The following RARB variants were observed in gnomAD, a reference collection of about 807,000 sequenced individuals.
RARB encodes retinoic acid receptor beta, also known as HBV-activated protein.
In RARB, 17 loss-of-function variants were observed where a neutral mutation model predicts 51.9. The observed-to-expected ratio is 0.33, with a 90% confidence interval of 0.22 to 0.49. The LOEUF (loss-of-function observed/expected upper bound fraction) is 0.49. Among genes scored for constraint, RARB ranks in the 20% least tolerant of loss-of-function variants. The pLI is 0.99. For missense variants in RARB, 369 were observed against 550.8 expected, an observed-to-expected ratio of 0.67 and a Z score of 3.30; for synonymous variants, 215 against 195.4, an observed-to-expected ratio of 1.10 and a Z score of -0.84.
intron 3 of RARB, among the ~76,000 whole-genome samples, chr3:25,084,750 A>G (rs879074505): frequency 6.6e-6 from 1 of 151,062 alleles, no homozygotes; most frequent in Non-Finnish European, 1.5e-5. Flanking sequence ...GGTTTTTTTT[A>G]ATGTTTGTTT....
intron 5 of RARB, among the ~76,000 whole-genome samples, chr3:25,416,269 G>A (rs1707700559): frequency 1.3e-5 from 2 of 152,288 alleles, no homozygotes; most frequent in Admixed American, 1.3e-4. Context: ...CATGCCTGTA[G>A]TCCCAGCTAC....
At chr3:24,984,682 T>TG (rs1347593223) in intron 2 of RARB, among the ~76,000 whole-genome samples, 2 of 152,266 alleles carry the variant, frequency 1.3e-5, no homozygotes, top group East Asian at 3.9e-4. Flanking sequence ...ATGTACAGTG[T>TG]GGTGACTATA....
At chr3:25,085,424 C>T (rs1469022329) in intron 3 of RARB, among the ~76,000 whole-genome samples, 1 of 152,072 alleles carries the variant, frequency 6.6e-6, no homozygotes, top group Non-Finnish European at 1.5e-5. Context: ...TTTCCAGATT[C>T]TAGTAAGAAG....
At chr3:25,137,397 G>T (rs979911254) in intron 4 of RARB, among the ~76,000 whole-genome samples, 1 of 151,918 alleles carries the variant, frequency 6.6e-6, no homozygotes, top group Non-Finnish European at 1.5e-5. Flanking sequence ...CTTTAAAAAA[G>T]CTTGGTAATG....
chr3:25,310,291 T>G (rs542762844), intron 5 of RARB, among the ~76,000 whole-genome samples: 6 of 152,326 alleles, frequency 3.9e-5, no homozygotes, highest in African/African-American at 1.4e-4. Flanking sequence ...TAGTCCTGAA[T>G]TTTTTAAGTG....
At chr3:25,259,557 A>T (rs539780086) in intron 5 of RARB, among the ~76,000 whole-genome samples, 2 of 152,262 alleles carry the variant, frequency 1.3e-5, no homozygotes, top group Admixed American at 1.3e-4. Context: ...ACAGCAGAGC[A>T]TTGCAGTTCT....
chr3:25,568,534 C>CT (rs1700584019), intron 3 of RARB, among the ~76,000 whole-genome samples: 1 of 152,068 alleles, frequency 6.6e-6, no homozygotes, highest in Admixed American at 6.5e-5. Flanking sequence ...ACCCCTTGCT[C>CT]TTTCCTTTCA....
intron 1 of RARB, among the ~76,000 whole-genome samples, chr3:24,835,205 A>G (rs1702329050): frequency 6.6e-6 from 1 of 152,234 alleles, no homozygotes; most frequent in Non-Finnish European, 1.5e-5. Context: ...TATATCAAGA[A>G]GTTTAAACTC....
chr3:25,384,525 G>T (rs886702522), intron 5 of RARB, among the ~76,000 whole-genome samples: 16 of 152,296 alleles, frequency 1.1e-4, no homozygotes, highest in Non-Finnish European at 2.1e-4. Context: ...GGGGACAGGA[G>T]GGGAGGGACC....
At chr3:25,367,652 TAAAAAAA>T (rs34629828) in intron 5 of RARB, among the ~76,000 whole-genome samples, 1 of 139,282 alleles carries the variant, frequency 7.2e-6, no homozygotes, top group Non-Finnish European at 1.5e-5. Context: ...CCCATCTCTA[TAAAAAAA>T]AAAAAAAAAT....
At chr3:25,159,415 C>CCCG (rs768243630) in intron 4 of RARB, among the ~76,000 whole-genome samples, 22 of 150,802 alleles carry the variant, frequency 1.5e-4, no homozygotes, top group Non-Finnish European at 3.0e-4. Context: ...ATGATCCACC[C>CCCG]CCCCCGCTCC....
chr3:25,037,821 T>G (rs942047959), intron 2 of RARB, among the ~76,000 whole-genome samples: 12 of 152,140 alleles, frequency 7.9e-5, no homozygotes, highest in Admixed American at 3.9e-4. Context: ...CAAGGTGTCC[T>G]TTGTGTTGGG....
intron 5 of RARB, among the ~76,000 whole-genome samples, chr3:25,201,390 A>T (rs1401663633): frequency 1.3e-5 from 2 of 152,140 alleles, no homozygotes; most frequent in Non-Finnish European, 2.9e-5. Context: ...GGACAATTTG[A>T]CTTTCCCTTT....
Position 24,833,736 on chromosome 3 carries a change from A to G in RARB, c.-459+4333A>G, listed in dbSNP as rs375235502. ...ATTCCTTTGCCTCAATTATTTCTTA[A>G]TTCATCATGTACATTGTGTCCAAGG... On this transcript the variant is annotated intron_variant, in intron 1 of 11. Transcript: ENST00000383772. 2.6e-5 allele frequency among the ~76,000 whole-genome samples: 4 copies of G among 152,194 alleles called. No individual in the cohort carries two copies. In the East Asian group the frequency reaches 5.8e-4, roughly 22 times the overall value.
At chr3:24,893,665 G>A (rs1234060988) in intron 2 of RARB, among the ~76,000 whole-genome samples, 18 of 151,182 alleles carry the variant, frequency 1.2e-4, no homozygotes, top group Admixed American at 1.2e-3. Flanking sequence ...GTACAGATGT[G>A]CAACAGCATG....
chr3:25,216,777 TA>T (rs952567343), intron 5 of RARB, among the ~76,000 whole-genome samples: 4 of 151,278 alleles, frequency 2.6e-5, no homozygotes, highest in Non-Finnish European at 5.9e-5. Context: ...TTGTTTCTTC[TA>T]AAAAATATAT....
rs574041610 is a variant in RARB, at chr3:25,039,671, C to G, written c.-379-20454C>G. On this transcript the variant is annotated intron_variant, in intron 2 of 11. Coordinates refer to the RARB transcript ENST00000383772. The stretch of plus-strand genomic sequence containing the variant: ...AAGTTGAGATCTAAAGGACAAGAAG[C>G]TTTTTTCTTTGCCTCTTTTATTGTA... 2.0e-5 allele frequency among the ~76,000 whole-genome samples: 3 copies of G among 152,192 alleles called. No homozygotes were observed. The South Asian group carries it at 6.2e-4, about 32-fold the overall frequency.
intron 5 of RARB, among the ~76,000 whole-genome samples, chr3:25,271,783 C>A (rs1299143104): frequency 1.3e-5 from 2 of 152,184 alleles, no homozygotes; most frequent in Non-Finnish European, 2.9e-5. Flanking sequence ...GCTATCTGTA[C>A]CTTTATTGTC....
At chr3:25,537,810 G>A (rs1263241106) in intron 3 of RARB, among the ~76,000 whole-genome samples, 3 of 152,090 alleles carry the variant, frequency 2.0e-5, no homozygotes, top group Non-Finnish European at 4.4e-5. Flanking sequence ...TCTTTACCCA[G>A]GGCCTTCTCC....
Sources: gnomAD v4.1 joint callset for allele counts (sites outside exome capture counted in the v4.1 genomes callset) on GRCh38, gnomAD v4.1.1 for gene constraint, MANE v1.5 for transcripts, NCBI Gene and HGNC (gene_info 2026-07-23, HGNC 2026-07-21) for gene names.